The following SLC44A1 variants were observed in gnomAD, a reference collection of about 807,000 sequenced individuals.
The protein encoded by SLC44A1 is choline transporter-like protein 1.
A neutral mutation model predicts 79.3 loss-of-function variants in SLC44A1; 26 were observed. That is an observed-to-expected ratio of 0.33 (90% CI 0.24 to 0.46). SLC44A1 has a LOEUF of 0.46. Ranked by LOEUF, SLC44A1 falls within the 20% of genes least tolerant of loss-of-function variation. SLC44A1 has a pLI of 1.00. For missense variants in SLC44A1, 688 were observed against 798.1 expected, an observed-to-expected ratio of 0.86 and a Z score of 1.66; for synonymous variants, 263 against 286.2, an observed-to-expected ratio of 0.92 and a Z score of 0.82.
chr9:105,329,914 A>C (rs948789761), intron 3 of SLC44A1, among the ~76,000 whole-genome samples: 1 of 152,134 alleles, frequency 6.6e-6, no homozygotes, highest in Non-Finnish European at 1.5e-5. Context: ...TCCTCCATGC[A>C]GAATTACACA....
At chr9:105,340,115 G>A (rs971413428) in intron 4 of SLC44A1, among the ~76,000 whole-genome samples, 1 of 152,190 alleles carries the variant, frequency 6.6e-6, no homozygotes, top group African/African-American at 2.4e-5. Context: ...AAAATCTGTT[G>A]TACCACAATA....
At chr9:105,278,766 G>A (rs328001) in intron 1 of SLC44A1, among the ~76,000 whole-genome samples, 28,369 of 152,196 alleles carry the variant, frequency 0.19, 4,236 homozygotes, top group African/African-American at 0.42. Flanking sequence ...CACTGAATCA[G>A]CTACCACATA....
intron 9 of SLC44A1, 134 bp from the exon 10 acceptor site, chr9:105,364,421 G>T (rs1827878433): frequency 3.2e-6 from 2 of 620,462 alleles, no homozygotes; most frequent in Non-Finnish European, 5.4e-6. Flanking sequence ...AGTTATTTTT[G>T]TCCCTTTATG....
chr9:105,383,935 CAATT>C (rs1195936310), intron 14 of SLC44A1, among the ~76,000 whole-genome samples: 2 of 152,216 alleles, frequency 1.3e-5, no homozygotes, highest in South Asian at 2.1e-4. Context: ...ATTAGAACCT[CAATT>C]AAATTTCTTT....
Position 105,244,831 on chromosome 9 carries a change from C to G in SLC44A1, c.-38C>G, listed in dbSNP as rs1416336192. On this transcript the variant is annotated 5_prime_UTR_variant, in exon 1 of 16. Coordinates refer to ENST00000374720, the MANE Select transcript of SLC44A1 (RefSeq NM_080546.5). Reference sequence around the variant, plus strand: ...GCCGAGGGGCTCCGGGGCGTAGCTGCGCGCCCGGCGCCGCCTCCGGGCTCC... The same window carrying G: ...GCCGAGGGGCTCCGGGGCGTAGCTGGGCGCCCGGCGCCGCCTCCGGGCTCC... 9.1e-7 allele frequency: 1 copy of G among 1,099,434 alleles called. No individual in the cohort carries two copies. The highest frequency in any genetic ancestry group is 1.1e-6 in the Non-Finnish European group (1 of 903,564). The allele number at this position is 1,099,434 out of a possible 1,614,324, so 68.1% of individuals were successfully genotyped here. A position where few individuals can be genotyped will look rare whatever the true frequency, so the allele number is the denominator to read the frequency against.
intron 5 of SLC44A1, among the ~76,000 whole-genome samples, chr9:105,354,202 T>C (rs60891561): frequency 0.02 from 3,018 of 149,868 alleles, 97 homozygotes; most frequent in African/African-American, 0.071. Context: ...AGGCGCCCGC[T>C]ACCACGCCCG....
chr9:105,356,044 A>G (rs906632606), intron 5 of SLC44A1, 168 bp from the exon 6 acceptor site: 13 of 606,598 alleles, frequency 2.1e-5, no homozygotes, highest in Non-Finnish European at 3.5e-5. Flanking sequence ...ATCACTACCC[A>G]TGACAGTCAT....
chr9:105,360,762 TG>T (rs1440671692), intron 7 of SLC44A1, among the ~76,000 whole-genome samples: 1 of 152,232 alleles, frequency 6.6e-6, no homozygotes. Flanking sequence ...CAGAGGTATC[TG>T]TGATGAGTAC....
intron 3 of SLC44A1, among the ~76,000 whole-genome samples, chr9:105,315,271 G>GT (rs72336954): frequency 0.02 from 2,625 of 130,188 alleles, 50 homozygotes; most frequent in African/African-American, 0.045. Context: ...TTTTTTGTTT[G>GT]TTTTTTTTTT....
intron 12 of SLC44A1, among the ~76,000 whole-genome samples, chr9:105,373,398 G>A (rs147588334): frequency 1.8e-4 from 28 of 152,108 alleles, no homozygotes; most frequent in African/African-American, 6.7e-4. Flanking sequence ...TGCTGTTCTA[G>A]AATGTAACAT....
chr9:105,253,272 C>A (rs1829630474), intron 1 of SLC44A1, among the ~76,000 whole-genome samples: 1 of 152,006 alleles, frequency 6.6e-6, no homozygotes. Context: ...GTAAAAAAAC[C>A]AGCAGGAAGA....
rs1463231924 is a variant in SLC44A1 at position 105,309,986 on chromosome 9, T to C, written c.269+120T>C. 4.8e-6 allele frequency: 5 copies of C among 1,042,852 alleles called. No individual in the cohort carries two copies. In the African/African-American group the frequency reaches 8.0e-5, roughly 17 times the overall value. 64.6% of individuals were successfully genotyped at this position (1,042,852 alleles called of 1,614,324 possible). A position where few individuals can be genotyped will look rare whatever the true frequency, so the allele number is the denominator to read the frequency against. On this transcript the variant is annotated intron_variant, in intron 3 of 15. Transcript: ENST00000374720. ...CCAAATATTATTTTTATGTGACTTC[T>C]GTTGGTGTGTTTGATTTTTTTTCAC...
intron 3 of SLC44A1, among the ~76,000 whole-genome samples, chr9:105,317,157 T>C (rs1184314950): frequency 6.6e-6 from 1 of 152,134 alleles, no homozygotes; most frequent in East Asian, 1.9e-4. Context: ...AGGTAACATA[T>C]ATTCTATAGC....
At chr9:105,280,595 A>G (rs186297905) in intron 1 of SLC44A1, among the ~76,000 whole-genome samples, 3 of 152,252 alleles carry the variant, frequency 2.0e-5, no homozygotes, top group African/African-American at 4.8e-5. Context: ...ATAAACAGGT[A>G]TTAATAGAAG....
chr9:105,322,018 T>A (rs974628942), intron 3 of SLC44A1, among the ~76,000 whole-genome samples: 1 of 152,160 alleles, frequency 6.6e-6, no homozygotes, highest in African/African-American at 2.4e-5. Flanking sequence ...TGTTTTTAAA[T>A]TGTTTCTCAT....
intron 1 of SLC44A1, among the ~76,000 whole-genome samples, chr9:105,271,189 T>C (rs1295446157): frequency 6.6e-6 from 1 of 152,256 alleles, no homozygotes; most frequent in East Asian, 1.9e-4. Flanking sequence ...TCCCATAATC[T>C]TGACAGGTTT....
Position 105,389,205 on chromosome 9 carries a change from A to G in SLC44A1, c.*149A>G. 2 of 1,337,826 alleles carry G rather than the reference A, an allele frequency of 1.5e-6. No homozygotes were observed. Among genetic ancestry groups the G allele is most frequent in the Non-Finnish European group, 1.9e-6 (2 of 1,037,692 alleles). The allele number at this position is 1,337,826 out of a possible 1,614,324, so 82.9% of individuals were successfully genotyped here. On this transcript the variant is annotated 3_prime_UTR_variant, in exon 16 of 16. Coordinates refer to ENST00000374720, the MANE Select transcript of SLC44A1 (RefSeq NM_080546.5). ...TACACACACACACATAAATCAGCCA[A>G]AATCAGAGAAAAGGAACAGGGATTT...
rs1373499467 is a variant in SLC44A1, at chr9:105,391,630, ATGTGT to A, written c.*2577_*2581del. On this transcript the variant is annotated 3_prime_UTR_variant, in exon 16 of 16. Coordinates refer to ENST00000374720, the MANE Select transcript of SLC44A1 (RefSeq NM_080546.5). The stretch of plus-strand genomic sequence containing the variant: ...ACAGAGGATTTTAAGCAATATTTAA[ATGTGT>A]TGAGGTTATGTTTGGATATTCCTGC... 1.0e-6 allele frequency: 1 copy of A among 985,242 alleles called. No individual in the cohort carries two copies. The highest frequency in any genetic ancestry group is 1.2e-6 in the Non-Finnish European group (1 of 829,906). The allele number at this position is 985,242 out of a possible 1,614,324, so 61.0% of individuals were successfully genotyped here.
intron 15 of SLC44A1, among the ~76,000 whole-genome samples, chr9:105,403,018 C>G (rs1471097828): frequency 3.7e-5 from 5 of 134,974 alleles, no homozygotes; most frequent in Non-Finnish European, 7.7e-5. Flanking sequence ...CAGGGTCTCG[C>G]TTTGTTGCCC....
Sources: allele counts gnomAD v4.1 joint callset (sites outside exome capture counted in the v4.1 genomes callset), GRCh38; gene constraint gnomAD v4.1.1; transcripts MANE v1.5; gene names NCBI Gene and HGNC (gene_info 2026-07-23, HGNC 2026-07-21).